ENTREP1: variants seen among roughly 807,000 people sequenced by gnomAD.
ENTREP1 encodes the protein Friedreich ataxia region gene X123.
chr9:69,360,550 T>G, the ENTREP1 span, among the ~76,000 whole-genome samples: 7 of 152,194 alleles, frequency 4.6e-5, no homozygotes. Flanking sequence ...ATTTTTCTGT[T>G]ATTATTGATA....
chr9:69,337,309 CCT>C, the ENTREP1 span, among the ~76,000 whole-genome samples: 1 of 152,000 alleles, frequency 6.6e-6, no homozygotes, highest in Non-Finnish European at 1.5e-5. Context: ...CGCCTGGACT[CCT>C]CTATATTCTT....
chr9:69,364,370 A>T, the ENTREP1 span, among the ~76,000 whole-genome samples: 6 of 139,816 alleles, frequency 4.3e-5, no homozygotes, highest in African/African-American at 1.6e-4. Context: ...TTCAAGAGAA[A>T]CTCCGATCCC....
At chr9:69,359,641 T>G in the ENTREP1 span, among the ~76,000 whole-genome samples, 1 of 152,360 alleles carries the variant, frequency 6.6e-6, no homozygotes, top group East Asian at 1.9e-4. Flanking sequence ...TTAAACCTCT[T>G]TCTTTTATAA....
the ENTREP1 span, chr9:69,386,499 C>T: frequency 1.3e-5 from 2 of 152,100 alleles, no homozygotes; most frequent in East Asian, 3.8e-4. Flanking sequence ...AAAATAATAA[C>T]ACTGACTTTT....
chr9:69,351,388 TTGA>T, the ENTREP1 span, among the ~76,000 whole-genome samples: 933 of 151,440 alleles, frequency 6.2e-3, 7 homozygotes, highest in African/African-American at 0.017. Flanking sequence ...TCTTATTTCC[TTGA>T]TGATGATGAT....
the ENTREP1 span, chr9:69,329,641 A>G: frequency 1.0e-6 from 1 of 985,256 alleles, no homozygotes; most frequent in East Asian, 1.1e-4. Flanking sequence ...TATTATTCCC[A>G]AAATTCGTGA....
At chr9:69,371,330 T>G in the ENTREP1 span, 3 of 692,762 alleles carry the variant, frequency 4.3e-6, no homozygotes, top group Non-Finnish European at 7.9e-6. Flanking sequence ...CAGCACAATT[T>G]TAAGAAGTCT....
the ENTREP1 span, chr9:69,385,884 G>A: frequency 1.2e-6 from 2 of 1,610,012 alleles, no homozygotes; most frequent in Non-Finnish European, 1.7e-6. Context: ...AAGCCGGAGA[G>A]CCCTCCCACC....
At chr9:69,386,031 C>A in the ENTREP1 span, 2 of 1,312,208 alleles carry the variant, frequency 1.5e-6, no homozygotes, top group African/African-American at 1.5e-5. Context: ...CTCTGGCCAG[C>A]TCAGGACCCT....
the ENTREP1 span, among the ~76,000 whole-genome samples, chr9:69,360,212 G>A: frequency 6.6e-6 from 1 of 152,022 alleles, no homozygotes; most frequent in Non-Finnish European, 1.5e-5. Flanking sequence ...TGGTTTAAAG[G>A]GTCAAATAGT....
the ENTREP1 span, among the ~76,000 whole-genome samples, chr9:69,338,977 A>G: frequency 3.9e-5 from 6 of 152,298 alleles, no homozygotes; most frequent in African/African-American, 1.4e-4. Flanking sequence ...TAATAATTGG[A>G]GACTTAGTCA....
chr9:69,335,062 G>GT, the ENTREP1 span, among the ~76,000 whole-genome samples: 1 of 151,988 alleles, frequency 6.6e-6, no homozygotes, highest in Non-Finnish European at 1.5e-5. Context: ...CGCCCAGCCT[G>GT]TTTTTTCTTA....
the ENTREP1 span, chr9:69,387,789 C>T: frequency 1.3e-6 from 1 of 794,188 alleles, no homozygotes; most frequent in Non-Finnish European, 1.8e-6. Flanking sequence ...TTGGAACATC[C>T]TTTCATTGGT....
At chr9:69,376,067 T>C in the ENTREP1 span, among the ~76,000 whole-genome samples, 1 of 152,228 alleles carries the variant, frequency 6.6e-6, no homozygotes, top group Admixed American at 6.5e-5. Context: ...TGGACAGCTT[T>C]CTTTGTGTTG....
chr9:69,327,244 CTCT>C, the ENTREP1 span, among the ~76,000 whole-genome samples: 67 of 152,268 alleles, frequency 4.4e-4, no homozygotes, highest in South Asian at 0.01. Context: ...ACCCTGGTGG[CTCT>C]GCCTGTGGGC....
the ENTREP1 span, among the ~76,000 whole-genome samples, chr9:69,375,562 A>C: frequency 1.3e-5 from 2 of 152,132 alleles, no homozygotes; most frequent in East Asian, 1.9e-4. Context: ...AAGCCACTGA[A>C]ATTTAGGTTT....
chr9:69,358,785 A>G, the ENTREP1 span, among the ~76,000 whole-genome samples: 1 of 152,048 alleles, frequency 6.6e-6, no homozygotes, highest in Non-Finnish European at 1.5e-5. Flanking sequence ...TAGGAAAAAT[A>G]TATGTTATTT....
the ENTREP1 span, chr9:69,325,834 C>T: frequency 1.7e-6 from 2 of 1,204,538 alleles, no homozygotes; most frequent in Non-Finnish European, 2.1e-6. Context: ...TTGGGGGAGC[C>T]TCACGCCACC....
the ENTREP1 span, among the ~76,000 whole-genome samples, chr9:69,330,362 T>A: frequency 6.6e-6 from 1 of 152,190 alleles, no homozygotes; most frequent in Non-Finnish European, 1.5e-5. Flanking sequence ...TTGGTTGTTG[T>A]TTTTTACTCC....
Sources: gnomAD v4.1 joint callset for allele counts (sites outside exome capture counted in the v4.1 genomes callset) on GRCh38, gnomAD v4.1.1 for gene constraint, MANE v1.5 for transcripts, NCBI Gene and HGNC (gene_info 2026-07-23, HGNC 2026-07-21) for gene names.